The following MYLK variants were observed in gnomAD, a reference collection of about 807,000 sequenced individuals.
MYLK encodes the protein myosin light chain kinase.
A neutral mutation model predicts 203.4 loss-of-function variants in MYLK; 106 were observed. The observed-to-expected ratio is 0.52, with a 90% confidence interval of 0.45 to 0.61. MYLK has a LOEUF of 0.61. MYLK is among the 20% of genes least tolerant of loss of function. MYLK has a pLI of 0.00. For synonymous variants in MYLK, 867 were observed against 959.5 expected, an observed-to-expected ratio of 0.90 and a Z score of 1.78; for missense variants, 2,072 against 2,442.3, an observed-to-expected ratio of 0.85 and a Z score of 3.20.
At chr3:123,678,170 C>T (rs950715511) in intron 20 of MYLK, among the ~76,000 whole-genome samples, 1 of 151,960 alleles carries the variant, frequency 6.6e-6, no homozygotes, top group African/African-American at 2.4e-5. Flanking sequence ...TGCACAGGCA[C>T]TCGGTAGACT....
rs2060296788 is a variant in MYLK, at chr3:123,682,330, A to T, written c.3566-20T>A. ...GAGCATCTGGAATGAAACAGGTAAC[A>T]ATAAATGTTAGCAGCTGCTGAGGAA... On this transcript the variant is annotated intron_variant, in intron 19 of 33. Coordinates refer to ENST00000360304, the MANE Select transcript of MYLK (RefSeq NM_053025.4). 1.3e-6 allele frequency: 2 copies of T among 1,562,282 alleles called. No homozygotes were observed. Among genetic ancestry groups the T allele is most frequent in the African/African-American group, 2.7e-5 (2 of 74,214 alleles).
chr3:123,663,489 G>T (rs1258787259), intron 23 of MYLK, among the ~76,000 whole-genome samples: 1 of 152,136 alleles, frequency 6.6e-6, no homozygotes, highest in African/African-American at 2.4e-5. Flanking sequence ...GAGAGAGAAG[G>T]TAGGGTGGCT....
In MYLK at chr3:123,764,262, A is replaced by G. The variant is rs188431107; in HGVS notation, c.166-11724T>C. On this transcript the variant is annotated intron_variant, in intron 4 of 33. Coordinates refer to ENST00000360304, the MANE Select transcript of MYLK (RefSeq NM_053025.4). Reference sequence around the variant, plus strand: ...TCCATAACAGAGGATTCCCTTGGACATCTGATGATCCTTTACTGATTTTTC... The same window carrying G: ...TCCATAACAGAGGATTCCCTTGGACGTCTGATGATCCTTTACTGATTTTTC... Among the ~76,000 whole-genome samples the G allele has an allele frequency of 1.2e-3, 186 of 152,340 alleles. 3 individuals are homozygous for G. The South Asian group carries it at 0.013, about 11-fold the overall frequency.
chr3:123,616,879 T>C (rs1407413190), intron 33 of MYLK: 4 of 152,212 alleles, frequency 2.6e-5, no homozygotes, highest in African/African-American at 9.7e-5. Context: ...CTTTTCTTTA[T>C]AAATTTTCCA....
intron 1 of MYLK, among the ~76,000 whole-genome samples, chr3:123,878,283 T>G (rs1026876546): frequency 1.3e-5 from 2 of 152,150 alleles, no homozygotes; most frequent in Non-Finnish European, 2.9e-5. Context: ...CATTTAAAGG[T>G]GCACAATCTG....
chr3:123,734,540 A>C, intron 9 of MYLK: 1 of 280,542 alleles, frequency 3.6e-6, no homozygotes, highest in Non-Finnish European at 6.6e-6. Context: ...GCCCTCTCTA[A>C]TCTATTTTCT....
intron 22 of MYLK, 103 bp from the exon 23 acceptor site, chr3:123,664,361 C>G (rs2059666102): frequency 6.6e-7 from 1 of 1,525,536 alleles, no homozygotes; most frequent in Non-Finnish European, 9.1e-7. Flanking sequence ...TGCAGCTGGA[C>G]AAGCTGTGGG....
intron 19 of MYLK, among the ~76,000 whole-genome samples, chr3:123,682,668 C>T (rs1222685499): frequency 1.3e-5 from 2 of 152,190 alleles, no homozygotes; most frequent in Admixed American, 6.5e-5. Context: ...GCCTTGTCTC[C>T]CTCATGCTAG....
chr3:123,699,125 C>T (rs1218518253), intron 18 of MYLK, among the ~76,000 whole-genome samples: 1 of 152,072 alleles, frequency 6.6e-6, no homozygotes, highest in Non-Finnish European at 1.5e-5. Flanking sequence ...GGCAACCTAT[C>T]CCTCCGCTGG....
chr3:123,748,412 A>C (rs1201484422), intron 5 of MYLK, among the ~76,000 whole-genome samples: 3 of 152,214 alleles, frequency 2.0e-5, no homozygotes, highest in Non-Finnish European at 4.4e-5. Flanking sequence ...CTGTTCATCC[A>C]TGTGGCTTTC....
intron 29 of MYLK, among the ~76,000 whole-genome samples, chr3:123,634,982 C>T: frequency 6.6e-6 from 1 of 152,216 alleles, no homozygotes. Context: ...GGCTCCACGA[C>T]CCCATTCTGC....
chr3:123,763,835 C>G (rs773943740), intron 4 of MYLK, among the ~76,000 whole-genome samples: 1 of 152,204 alleles, frequency 6.6e-6, no homozygotes, highest in Non-Finnish European at 1.5e-5. Context: ...ATTTTCATTA[C>G]TGGCAATGCA....
At chr3:123,669,327 G>A (rs772223270) in intron 20 of MYLK, among the ~76,000 whole-genome samples, 11 of 152,238 alleles carry the variant, frequency 7.2e-5, no homozygotes, top group East Asian at 1.9e-4. Flanking sequence ...CAGTACACAC[G>A]ACTAACCTGG....
At chr3:123,735,738 A>C in intron 8 of MYLK, 7 of 358,048 alleles carry the variant, frequency 2.0e-5, no homozygotes, top group East Asian at 5.0e-5. Context: ...CCAAACCCAA[A>C]TGCTGTAACT....
At chr3:123,687,628 CT>C (rs2060506562) in intron 19 of MYLK, among the ~76,000 whole-genome samples, 1 of 150,670 alleles carries the variant, frequency 6.6e-6, no homozygotes, top group Non-Finnish European at 1.5e-5. Context: ...TCCTTCCTTC[CT>C]TTCCTTCCTT....
At chr3:123,772,153 C>G (rs573395965) in intron 4 of MYLK, among the ~76,000 whole-genome samples, 275 of 152,120 alleles carry the variant, frequency 1.8e-3, no homozygotes, top group African/African-American at 6.3e-3. Flanking sequence ...AAACAACATA[C>G]GAGAAGTCTT....
intron 20 of MYLK, among the ~76,000 whole-genome samples, chr3:123,668,845 G>T (rs2059822738): frequency 6.6e-6 from 1 of 152,096 alleles, no homozygotes; most frequent in African/African-American, 2.4e-5. Flanking sequence ...TTTACTGTCT[G>T]CCCTTCTCCT....
chr3:123,686,579 C>T (rs1264976161), intron 19 of MYLK, among the ~76,000 whole-genome samples: 4 of 152,132 alleles, frequency 2.6e-5, no homozygotes, highest in Non-Finnish European at 5.9e-5. Context: ...AAGCAGTGTG[C>T]TAGCGTAGTA....
At chr3:123,766,366 G>A (rs1560190896) in intron 4 of MYLK, among the ~76,000 whole-genome samples, 2 of 152,150 alleles carry the variant, frequency 1.3e-5, no homozygotes, top group Admixed American at 6.5e-5. Flanking sequence ...TCGCAGCCTC[G>A]AGGCCCACAG....
Sources: allele counts gnomAD v4.1 joint callset (sites outside exome capture counted in the v4.1 genomes callset), GRCh38; gene constraint gnomAD v4.1.1; transcripts MANE v1.5; gene names NCBI Gene and HGNC (gene_info 2026-07-23, HGNC 2026-07-21).